Variants in HS6ST3 observed in about 807,000 individuals in gnomAD.
HS6ST3 encodes the protein heparan-sulfate 6-O-sulfotransferase 3.
Under a neutral mutation model 36.7 loss-of-function variants are expected in HS6ST3, and 12 were observed. The ratio of observed to expected loss-of-function variants is 0.33; its 90% CI spans 0.21 to 0.53. HS6ST3 has a LOEUF of 0.53. HS6ST3 is among the 20% of genes least tolerant of loss of function. HS6ST3 has a pLI of 0.95. For synonymous variants in HS6ST3, 240 were observed against 257.5 expected, an observed-to-expected ratio of 0.93 and a Z score of 0.65; for missense variants, 584 against 640.9, an observed-to-expected ratio of 0.91 and a Z score of 0.96.
At chr13:96,694,906 A>G (rs1473851377) in intron 1 of HS6ST3, among the ~76,000 whole-genome samples, 5 of 152,112 alleles carry the variant, frequency 3.3e-5, no homozygotes, top group African/African-American at 1.2e-4. Flanking sequence ...ATGCATGTGC[A>G]TACTCACACT....
intron 1 of HS6ST3, among the ~76,000 whole-genome samples, chr13:96,780,789 C>T (rs1271649993): frequency 6.6e-6 from 1 of 151,990 alleles, no homozygotes; most frequent in African/African-American, 2.4e-5. Context: ...CTAGTGTCCT[C>T]ACCTCTTGAG....
At chr13:96,523,686 G>A (rs923881361) in intron 1 of HS6ST3, among the ~76,000 whole-genome samples, 2 of 151,752 alleles carry the variant, frequency 1.3e-5, no homozygotes, top group African/African-American at 2.4e-5. Flanking sequence ...TATGCTTCAC[G>A]AAGTTCTTGT....
chr13:96,484,934 A>G (rs1347866237), intron 1 of HS6ST3, among the ~76,000 whole-genome samples: 2 of 152,174 alleles, frequency 1.3e-5, no homozygotes, highest in Non-Finnish European at 2.9e-5. Flanking sequence ...TAATGGCTGT[A>G]CCAGTTTGCA....
intron 1 of HS6ST3, among the ~76,000 whole-genome samples, chr13:96,779,984 T>C (rs1239945894): frequency 6.6e-6 from 1 of 152,050 alleles, no homozygotes; most frequent in African/African-American, 2.4e-5. Context: ...ATCCTGTCAG[T>C]GTGAGTAGAG....
At chr13:96,583,572 T>C (rs1451401971) in intron 1 of HS6ST3, among the ~76,000 whole-genome samples, 1 of 152,178 alleles carries the variant, frequency 6.6e-6, no homozygotes, top group African/African-American at 2.4e-5. Flanking sequence ...ATCTAGTCCA[T>C]GCGTTCTGCC....
chr13:96,832,185 G>A (rs867933301), intron 1 of HS6ST3, among the ~76,000 whole-genome samples: 1 of 152,074 alleles, frequency 6.6e-6, no homozygotes, highest in African/African-American at 2.4e-5. Context: ...GTTATTGCCA[G>A]CAGTAATTTA....
At chr13:96,627,117 C>T (rs1378278501) in intron 1 of HS6ST3, among the ~76,000 whole-genome samples, 2 of 152,000 alleles carry the variant, frequency 1.3e-5, no homozygotes, top group East Asian at 1.9e-4. Flanking sequence ...CTGTTCTGAC[C>T]TTCAAGTTAA....
At chr13:96,332,425 A>G (rs1028188475) in intron 1 of HS6ST3, among the ~76,000 whole-genome samples, 1 of 152,162 alleles carries the variant, frequency 6.6e-6, no homozygotes, top group Non-Finnish European at 1.5e-5. Flanking sequence ...CAGCATCTGT[A>G]AAACTCTAAC....
chr13:96,719,091 G>A (rs563276315), intron 1 of HS6ST3, among the ~76,000 whole-genome samples: 5 of 152,076 alleles, frequency 3.3e-5, no homozygotes, highest in African/African-American at 9.6e-5. Flanking sequence ...TGGCTAACAC[G>A]GTTAAACCCC....
At chr13:96,587,638 A>G (rs1429712410) in intron 1 of HS6ST3, among the ~76,000 whole-genome samples, 2 of 152,178 alleles carry the variant, frequency 1.3e-5, no homozygotes, top group Admixed American at 6.5e-5. Flanking sequence ...CTTTATAACC[A>G]CTTACTCTTG....
chr13:96,107,902 T>G (rs2053849184), intron 1 of HS6ST3, among the ~76,000 whole-genome samples: 1 of 152,226 alleles, frequency 6.6e-6, no homozygotes, highest in Non-Finnish European at 1.5e-5. Context: ...AGGATATATG[T>G]TGCCTCAGGA....
At chr13:96,118,910 C>T (rs1238563441) in intron 1 of HS6ST3, among the ~76,000 whole-genome samples, 1 of 148,890 alleles carries the variant, frequency 6.7e-6, no homozygotes, top group African/African-American at 2.5e-5. Flanking sequence ...CGGGGTTTCA[C>T]CTTGTTAGCC....
intron 1 of HS6ST3, among the ~76,000 whole-genome samples, chr13:96,322,203 A>T (rs986031580): frequency 6.6e-6 from 1 of 152,104 alleles, no homozygotes; most frequent in African/African-American, 2.4e-5. Context: ...CCTGACCTGC[A>T]TAATCCAGTT....
intron 1 of HS6ST3, among the ~76,000 whole-genome samples, chr13:96,635,192 T>C (rs903168979): frequency 3.3e-5 from 5 of 152,172 alleles, no homozygotes; most frequent in African/African-American, 1.2e-4. Context: ...GTTTAAACTA[T>C]TAAAAACACA....
chr13:96,829,631 C>T (rs1448204076), intron 1 of HS6ST3, among the ~76,000 whole-genome samples: 3 of 152,180 alleles, frequency 2.0e-5, no homozygotes, highest in Admixed American at 6.5e-5. Context: ...GCCTCCAACT[C>T]TATCCATGTC....
intron 1 of HS6ST3, among the ~76,000 whole-genome samples, chr13:96,234,124 A>G (rs1310323135): frequency 6.6e-6 from 1 of 151,890 alleles, no homozygotes; most frequent in East Asian, 1.9e-4. Context: ...AGGAAAGAAA[A>G]AGAAGCCAGG....
chr13:96,686,476 G>A (rs760214510), intron 1 of HS6ST3, among the ~76,000 whole-genome samples: 3 of 151,948 alleles, frequency 2.0e-5, no homozygotes, highest in African/African-American at 7.2e-5. Flanking sequence ...TCCATGGCTT[G>A]TGCTGACTAA....
intron 1 of HS6ST3, among the ~76,000 whole-genome samples, chr13:96,442,442 T>C (rs563459033): frequency 6.6e-4 from 101 of 152,314 alleles, no homozygotes; most frequent in Non-Finnish European, 1.3e-3. Flanking sequence ...TAGAAAGCAA[T>C]TGAACACTGA....
chr13:96,157,022 G>A (rs577282385), intron 1 of HS6ST3, among the ~76,000 whole-genome samples: 1 of 152,162 alleles, frequency 6.6e-6, no homozygotes, highest in African/African-American at 2.4e-5. Flanking sequence ...TTGTTGTCTG[G>A]GTAACCTTGG....
Sources: allele counts gnomAD v4.1 joint callset (sites outside exome capture counted in the v4.1 genomes callset), GRCh38; gene constraint gnomAD v4.1.1; transcripts MANE v1.5; gene names NCBI Gene and HGNC (gene_info 2026-07-23, HGNC 2026-07-21).